Variants in RPS6KC1 observed in about 807,000 individuals in gnomAD.
RPS6KC1 encodes the protein inactive ribosomal protein S6 kinase delta-1.
A neutral mutation model predicts 103.8 loss-of-function variants in RPS6KC1; 54 were observed. The ratio of observed to expected loss-of-function variants is 0.52; its 90% CI spans 0.42 to 0.65. The LOEUF is 0.65. RPS6KC1 is among the 30% of genes least tolerant of loss of function. The pLI, the probability that RPS6KC1 is intolerant of heterozygous loss-of-function variation, is 0.00. For missense variants in RPS6KC1, 1,151 were observed against 1,253.8 expected, an observed-to-expected ratio of 0.92 and a Z score of 1.24; for synonymous variants, 439 against 438.7, an observed-to-expected ratio of 1.00 and a Z score of -0.01.
At chr1:213,072,140 G>GT (rs540248789) in intron 2 of RPS6KC1, among the ~76,000 whole-genome samples, 9,993 of 143,252 alleles carry the variant, frequency 0.07, 408 homozygotes, top group Middle Eastern at 0.15. Context: ...CAACAGTATT[G>GT]TTTTTTTTTT....
chr1:213,101,761 A>G (rs915116274), intron 3 of RPS6KC1, among the ~76,000 whole-genome samples: 2 of 152,194 alleles, frequency 1.3e-5, no homozygotes, highest in African/African-American at 4.8e-5. Context: ...CACAATTACT[A>G]ATATTAATTT....
chr1:213,165,326 G>A (rs900796284), intron 6 of RPS6KC1, among the ~76,000 whole-genome samples: 4 of 152,080 alleles, frequency 2.6e-5, no homozygotes, highest in Admixed American at 2.0e-4. Flanking sequence ...TGCCTCCCGG[G>A]TTCAAATGAT....
chr1:213,636,822 A>G, the RPS6KC1 span, among the ~76,000 whole-genome samples: 1 of 152,230 alleles, frequency 6.6e-6, no homozygotes, highest in South Asian at 2.1e-4. Flanking sequence ...ATCAGAGTGC[A>G]CAGGCAACCT....
chr1:213,129,514 A>G lies in RPS6KC1; in HGVS notation c.473-13A>G. The G allele has an allele frequency of 6.9e-6, 11 of 1,583,894 alleles. No individual in the cohort carries two copies. The highest frequency in any genetic ancestry group is 9.4e-6 in the Non-Finnish European group (11 of 1,167,196). ...AATTTAATATCTGTTTACTATTGTG[A>G]TCATATTTCTAGGCTTCTCCAGTGA... On this transcript the variant is annotated splice_polypyrimidine_tract_variant and intron_variant, in intron 5 of 14. Transcript: ENST00000366960.
chr1:213,325,484 A>C, the RPS6KC1 span, among the ~76,000 whole-genome samples: 1 of 152,228 alleles, frequency 6.6e-6, no homozygotes, highest in South Asian at 2.1e-4. Flanking sequence ...TAGCCCCAGC[A>C]GGCAGTAGGG....
the RPS6KC1 span, among the ~76,000 whole-genome samples, chr1:213,522,172 C>T: frequency 6.6e-6 from 1 of 152,224 alleles, no homozygotes; most frequent in Admixed American, 6.5e-5. Context: ...ATGAAAACAA[C>T]ATTCATCTAT....
chr1:213,725,900 T>A, the RPS6KC1 span, among the ~76,000 whole-genome samples: 1 of 152,242 alleles, frequency 6.6e-6, no homozygotes, highest in Non-Finnish European at 1.5e-5. Context: ...GTTTTCCCAA[T>A]TTGTGACTCA....
the RPS6KC1 span, among the ~76,000 whole-genome samples, chr1:213,391,351 A>G: frequency 6.6e-6 from 1 of 152,196 alleles, no homozygotes; most frequent in Non-Finnish European, 1.5e-5. Flanking sequence ...CTCCCCATGC[A>G]GTGCTGAGAG....
the RPS6KC1 span, among the ~76,000 whole-genome samples, chr1:213,509,591 A>G: frequency 1.3e-5 from 2 of 152,256 alleles, no homozygotes; most frequent in Non-Finnish European, 2.9e-5. Context: ...TACACTTCAC[A>G]TAACTTTAAT....
chr1:213,271,000 A>T (rs767588106), intron 14 of RPS6KC1, among the ~76,000 whole-genome samples: 6 of 152,252 alleles, frequency 3.9e-5, no homozygotes, highest in Non-Finnish European at 7.3e-5. Context: ...AAATGGTACA[A>T]CTACTTTAGA....
the RPS6KC1 span, among the ~76,000 whole-genome samples, chr1:213,611,143 A>G: frequency 6.6e-6 from 1 of 152,176 alleles, no homozygotes; most frequent in African/African-American, 2.4e-5. Context: ...TAGTGGGGCC[A>G]GAGGGAATAC....
chr1:213,474,221 G>A, the RPS6KC1 span, among the ~76,000 whole-genome samples: 1 of 152,154 alleles, frequency 6.6e-6, no homozygotes, highest in Non-Finnish European at 1.5e-5. Flanking sequence ...GGGTTGCTCG[G>A]TGGATGTCAG....
In RPS6KC1 at chr1:213,192,836, T is replaced by G. The variant is rs1176447226; in HGVS notation, c.1044+16344T>G. ...TTTTTGATGTAGACACTTCCAGGTG[T>G]AAACTGCCCTCAGTACTGCATTTGC... On this transcript the variant is annotated intron_variant, in intron 8 of 14. Coordinates refer to ENST00000366960, the MANE Select transcript of RPS6KC1 (RefSeq NM_012424.6). 2.0e-5 allele frequency among the ~76,000 whole-genome samples: 3 copies of G among 152,206 alleles called. No individual in the cohort carries two copies. The East Asian group carries it at 5.8e-4, about 29-fold the overall frequency.
the RPS6KC1 span, among the ~76,000 whole-genome samples, chr1:213,446,986 A>G: frequency 2.6e-5 from 4 of 152,184 alleles, no homozygotes; most frequent in Non-Finnish European, 5.9e-5. Flanking sequence ...TGCTCAATAT[A>G]TATCAAGAAA....
the RPS6KC1 span, among the ~76,000 whole-genome samples, chr1:213,422,191 C>A: frequency 7.2e-5 from 11 of 152,174 alleles, no homozygotes; most frequent in Non-Finnish European, 1.3e-4. Context: ...CTTCCTCCAG[C>A]CCTCATCTCT....
the RPS6KC1 span, among the ~76,000 whole-genome samples, chr1:213,733,411 A>AT: frequency 6.6e-6 from 1 of 151,318 alleles, no homozygotes; most frequent in Non-Finnish European, 1.5e-5. Flanking sequence ...AATTTTTTCT[A>AT]TTTTTTGTAG....
chr1:213,772,490 C>T, the RPS6KC1 span, among the ~76,000 whole-genome samples: 1 of 152,210 alleles, frequency 6.6e-6, no homozygotes, highest in African/African-American at 2.4e-5. Flanking sequence ...ATTGTGTATA[C>T]TTCATTTGCT....
the RPS6KC1 span, among the ~76,000 whole-genome samples, chr1:213,554,375 C>T: frequency 6.6e-6 from 1 of 152,042 alleles, no homozygotes; most frequent in Non-Finnish European, 1.5e-5. Flanking sequence ...TTCCATTGGT[C>T]TATATATCTG....
chr1:213,854,836 C>T, the RPS6KC1 span, among the ~76,000 whole-genome samples: 13 of 152,216 alleles, frequency 8.5e-5, no homozygotes, highest in Admixed American at 2.6e-4. Context: ...GCCCATGCCC[C>T]GCCTTATCCC....
Sources: allele counts gnomAD v4.1 joint callset (sites outside exome capture counted in the v4.1 genomes callset), GRCh38; gene constraint gnomAD v4.1.1; transcripts MANE v1.5; gene names NCBI Gene and HGNC (gene_info 2026-07-23, HGNC 2026-07-21).